Variants in PTPRG observed in about 807,000 individuals in gnomAD.
The protein encoded by PTPRG is protein tyrosine phosphatase receptor type G.
PTPRG carries 102 observed loss-of-function variants against 165.3 expected under a neutral mutation model. The observed-to-expected ratio is 0.62, with a 90% CI of 0.53 to 0.73. PTPRG has a LOEUF of 0.73. Among genes scored for constraint, PTPRG ranks in the 30% least tolerant of loss-of-function variants. The probability of loss-of-function intolerance (pLI) is 0.00; values close to 1 mark genes in which losing one functional copy is unlikely to be tolerated. For synonymous variants in PTPRG, 675 were observed against 669.5 expected (o/e 1.01, Z -0.13); for missense variants, 1,866 against 1,861.4 (o/e 1.00, Z -0.05).
rs534074660 is a variant in PTPRG at position 61,844,643 on chromosome 3, C to T, written c.190+95661C>T. On this transcript the variant is annotated intron_variant, in intron 2 of 29. Transcript: ENST00000474889. ...CCAAGTTGATGGGACTATAGGTGTA[C>T]GCCGCCACATCTGGCTTTTTTTTTT... Among the ~76,000 whole-genome samples the T allele has an allele frequency of 4.2e-5, 6 of 142,876 alleles. No individual in the cohort carries two copies. The East Asian group carries it at 1.0e-3, about 24-fold the overall frequency. 93.7% of individuals were successfully genotyped at this position (142,876 alleles called of 152,430 possible).
rs569618852 is a variant in PTPRG, at chr3:61,957,049, A to G, written c.191-32576A>G. ...CTTTCCCTTGTATCACTAAATCACT[A>G]CAGATAAAAACTTGTACTGTGAATG... is the stretch of plus-strand genomic sequence containing the variant. On this transcript the variant is annotated intron_variant, in intron 2 of 29. Coordinates refer to ENST00000474889, the MANE Select transcript of PTPRG (RefSeq NM_002841.4). Among the ~76,000 whole-genome samples, 195 of 152,318 alleles carry G rather than the reference A, an allele frequency of 1.3e-3. 1 individual carries two copies. Among genetic ancestry groups the G allele is most frequent in the Admixed American group, 3.4e-3 (52 of 15,300 alleles).
chr3:61,970,710 T>A (rs771731570), intron 2 of PTPRG, among the ~76,000 whole-genome samples: 27 of 152,180 alleles, frequency 1.8e-4, no homozygotes, highest in Admixed American at 7.2e-4. Flanking sequence ...AATTCTAGGA[T>A]CTAGATCTGC....
intron 1 of PTPRG, among the ~76,000 whole-genome samples, chr3:61,666,028 A>G (rs1702804152): frequency 6.6e-6 from 1 of 151,638 alleles, no homozygotes; most frequent in Non-Finnish European, 1.5e-5. Context: ...TATACTGGGA[A>G]CTGGAAACAG....
chr3:61,924,959 A>G (rs2039170706), intron 2 of PTPRG, among the ~76,000 whole-genome samples: 1 of 152,178 alleles, frequency 6.6e-6, no homozygotes. Context: ...AAAGAGTCAG[A>G]AGAGAGATGA....
At chr3:61,973,099 C>A (rs1446363195) in intron 2 of PTPRG, among the ~76,000 whole-genome samples, 2 of 152,154 alleles carry the variant, frequency 1.3e-5, no homozygotes, top group East Asian at 1.9e-4. Flanking sequence ...AAAAAGTAGT[C>A]CTGCAGTTGA....
At chr3:61,745,551 T>C (rs1489098963) in intron 1 of PTPRG, among the ~76,000 whole-genome samples, 1 of 152,178 alleles carries the variant, frequency 6.6e-6, no homozygotes, top group Non-Finnish European at 1.5e-5. Context: ...ACCTCAATAC[T>C]TTGCGTAGTG....
rs907771664 is a variant in PTPRG, at chr3:62,294,092, C to T, written c.*785C>T. ...AGCTACATCCTAAAATCAGGGCTATCTTTAACAATAGCAAGATAGCAATAT... is the reference window on the plus strand; with the variant it reads ...AGCTACATCCTAAAATCAGGGCTATTTTTAACAATAGCAAGATAGCAATAT... On this transcript the variant is annotated 3_prime_UTR_variant, in exon 30 of 30. Coordinates refer to ENST00000474889, the MANE Select transcript of PTPRG (RefSeq NM_002841.4). 2.0e-5 allele frequency: 3 copies of T among 152,410 alleles called. No individual in the cohort carries two copies. The East Asian group carries it at 5.8e-4, about 29-fold the overall frequency. 9.4% of individuals were successfully genotyped at this position (152,410 alleles called of 1,614,324 possible). A position where few individuals can be genotyped will look rare whatever the true frequency, so the allele number is the denominator to read the frequency against.
chr3:61,746,279 C>T (rs1220729772), intron 1 of PTPRG, among the ~76,000 whole-genome samples: 10 of 140,982 alleles, frequency 7.1e-5, no homozygotes, highest in African/African-American at 2.7e-4. Context: ...AGTGCCGTGG[C>T]GCCATCTCGG....
chr3:61,837,549 G>C (rs538139406), intron 2 of PTPRG, among the ~76,000 whole-genome samples: 31 of 152,282 alleles, frequency 2.0e-4, no homozygotes, highest in African/African-American at 7.2e-4. Flanking sequence ...TGAATAGTAC[G>C]TCATAGACAA....
At position 62,276,968 on chromosome 3, in the gene PTPRG, A is replaced by T; in HGVS notation, c.3560-4A>T. On this transcript the variant is annotated splice_region_variant and splice_polypyrimidine_tract_variant and intron_variant, in intron 24 of 29. Transcript: ENST00000474889. ...GTGGTGTTTTTGTTTTTTCCATATG[A>T]TAGCTGAGCGTGCTCGAGTGGGTCT... 1 of 1,612,488 alleles carries T rather than the reference A, an allele frequency of 6.2e-7. No homozygotes were observed. The highest frequency in any genetic ancestry group is 1.1e-5 in the South Asian group (1 of 90,956).
intron 2 of PTPRG, chr3:61,749,376 T>G (rs2033342801): frequency 2.9e-6 from 1 of 339,096 alleles, no homozygotes; most frequent in Admixed American, 4.5e-5. Context: ...ACATCACATA[T>G]CAGAATGCTC....
chr3:61,830,554 C>CTTTTTT (rs2036251228), intron 2 of PTPRG, among the ~76,000 whole-genome samples: 1 of 115,552 alleles, frequency 8.7e-6, no homozygotes, highest in Non-Finnish European at 1.9e-5. Context: ...GGTGATGGTT[C>CTTTTTT]TTTTTGTTTT....
At chr3:61,876,947 G>C (rs1273514223) in intron 2 of PTPRG, among the ~76,000 whole-genome samples, 2 of 151,862 alleles carry the variant, frequency 1.3e-5, no homozygotes, top group East Asian at 3.9e-4. Context: ...AGGTCATAAA[G>C]TGTTGAACAT....
chr3:61,753,788 G>T (rs113077850), intron 2 of PTPRG: 7 of 306,144 alleles, frequency 2.3e-5, no homozygotes, highest in African/African-American at 1.5e-4. Context: ...TAGAGATGGG[G>T]TTTCACCATG....
In PTPRG at chr3:62,297,420, C is replaced by T. The variant is rs538853963; in HGVS notation, c.*4113C>T. The T allele has an allele frequency of 6.8e-6, 1 of 147,242 alleles. No individual in the cohort carries two copies. Among genetic ancestry groups the T allele is most frequent in the Non-Finnish European group, 1.5e-5 (1 of 67,152 alleles). The allele number at this position is 147,242 out of a possible 1,614,324, so 9.1% of individuals were successfully genotyped here. On this transcript the variant is annotated 3_prime_UTR_variant, in exon 30 of 30. Transcript: ENST00000474889. ...GACATAATTAGTCACTGAAAACATT[C>T]GTCACATTGACCCATTTGGAAAAAG...
intron 15 of PTPRG, among the ~76,000 whole-genome samples, chr3:62,244,965 G>A (rs1481697841): frequency 2.6e-5 from 4 of 152,168 alleles, no homozygotes; most frequent in Admixed American, 6.5e-5. Flanking sequence ...TTGTCACTAC[G>A]TGTGGTTATG....
intron 1 of PTPRG, among the ~76,000 whole-genome samples, chr3:61,606,337 G>T (rs1701005715): frequency 6.6e-6 from 1 of 152,166 alleles, no homozygotes; most frequent in African/African-American, 2.4e-5. Context: ...CCAACAAGGT[G>T]GTGGGGGTGC....
chr3:61,782,401 G>C (rs1375142950), intron 2 of PTPRG, among the ~76,000 whole-genome samples: 1 of 152,172 alleles, frequency 6.6e-6, no homozygotes, highest in Admixed American at 6.5e-5. Flanking sequence ...CAATTTAGTC[G>C]TGTGTTAAAT....
In PTPRG at chr3:62,273,130, A is replaced by G. The variant is rs757491561; in HGVS notation, c.3318+49A>G. 6.5e-6 allele frequency: 10 copies of G among 1,543,554 alleles called. No individual in the cohort carries two copies. The South Asian group carries it at 1.1e-4, about 18-fold the overall frequency. On this transcript the variant is annotated intron_variant, in intron 22 of 29. Coordinates refer to ENST00000474889, the MANE Select transcript of PTPRG (RefSeq NM_002841.4). This position sits in a 1 kb window ranked among gnomAD's most constrained non-coding sequence, Gnocchi z 4.1. ...TCACGACATTCTGGCAAATGCTGTA[A>G]CTGAAATTTGTTAAATGATAATGAA...
Sources: gnomAD v4.1 joint callset for allele counts (sites outside exome capture counted in the v4.1 genomes callset) on GRCh38, gnomAD v4.1.1 for gene constraint, Gnocchi (gnomAD v3.1) non-coding constraint, MANE v1.5 for transcripts, NCBI Gene and HGNC (gene_info 2026-07-23, HGNC 2026-07-21) for gene names.